The following MARCHF1 variants were observed in gnomAD, a reference collection of about 807,000 sequenced individuals.
The protein encoded by MARCHF1 is membrane associated ring-CH-type finger 1.
MARCHF1 carries 40 observed loss-of-function variants against 54.2 expected under a neutral mutation model. That is an observed-to-expected ratio of 0.74 (90% CI 0.57 to 0.96). The LOEUF (loss-of-function observed/expected upper bound fraction) is 0.96, where lower values mean the gene tolerates loss of function less well. Ranked by LOEUF, MARCHF1 falls within the 40% of genes least tolerant of loss-of-function variation. The pLI is 0.00. For missense variants in MARCHF1, 586 were observed against 656.5 expected (o/e 0.89, Z 1.17); for synonymous variants, 236 against 236.3 (o/e 1.00, Z 0.01).
intron 1 of MARCHF1, among the ~76,000 whole-genome samples, chr4:164,238,362 C>G (rs1188185925): frequency 6.6e-6 from 1 of 151,972 alleles, no homozygotes; most frequent in African/African-American, 2.4e-5. Flanking sequence ...CAACAGTTGA[C>G]CAGGCTTATT....
chr4:164,027,044 T>C (rs1469352541), intron 2 of MARCHF1, among the ~76,000 whole-genome samples: 2 of 151,778 alleles, frequency 1.3e-5, no homozygotes, highest in Admixed American at 1.3e-4. Context: ...AAGATCTCTA[T>C]AAGGAGAACT....
intron 3 of MARCHF1, among the ~76,000 whole-genome samples, chr4:163,893,689 T>C (rs557397937): frequency 5.9e-5 from 9 of 152,332 alleles, no homozygotes; most frequent in Admixed American, 5.9e-4. Flanking sequence ...AAAAATGTAT[T>C]GAGCCTTTGA....
intron 4 of MARCHF1, among the ~76,000 whole-genome samples, chr4:163,773,836 A>T (rs1231405451): frequency 6.6e-6 from 1 of 152,172 alleles, no homozygotes; most frequent in Non-Finnish European, 1.5e-5. Context: ...AAGTTTCTAC[A>T]TATCTGTTTC....
intron 1 of MARCHF1, among the ~76,000 whole-genome samples, chr4:164,257,604 T>C (rs1052612768): frequency 3.3e-5 from 5 of 151,804 alleles, no homozygotes; most frequent in Non-Finnish European, 7.4e-5. Context: ...ATGTAAAATA[T>C]ATAACATATG....
chr4:164,019,285 C>A (rs922052286), intron 2 of MARCHF1, among the ~76,000 whole-genome samples: 1 of 152,172 alleles, frequency 6.6e-6, no homozygotes, highest in African/African-American at 2.4e-5. Context: ...CTGTTCCCTG[C>A]AGGATTTCCA....
At chr4:163,678,086 G>A (rs950118022) in intron 5 of MARCHF1, among the ~76,000 whole-genome samples, 3 of 152,202 alleles carry the variant, frequency 2.0e-5, no homozygotes, top group Non-Finnish European at 4.4e-5. Context: ...AATTGCCCTT[G>A]ATACAGAATT....
chr4:164,107,298 AATG>A (rs1376087344), intron 2 of MARCHF1, among the ~76,000 whole-genome samples: 2 of 152,158 alleles, frequency 1.3e-5, no homozygotes, highest in East Asian at 3.9e-4. Flanking sequence ...AAGCACATAT[AATG>A]ATATATTGAG....
chr4:164,051,364 G>A (rs904507156), intron 2 of MARCHF1, among the ~76,000 whole-genome samples: 1 of 151,984 alleles, frequency 6.6e-6, no homozygotes, highest in African/African-American at 2.4e-5. Flanking sequence ...CTTTTAAAAG[G>A]GAACACTTTA....
intron 2 of MARCHF1, among the ~76,000 whole-genome samples, chr4:164,069,789 A>T (rs1754822772): frequency 6.6e-6 from 1 of 152,200 alleles, no homozygotes; most frequent in Non-Finnish European, 1.5e-5. Context: ...AAAATAAATC[A>T]TTATCGAAAA....
chr4:164,054,425 G>T (rs1365522436), intron 2 of MARCHF1, among the ~76,000 whole-genome samples: 1 of 151,718 alleles, frequency 6.6e-6, no homozygotes, highest in Non-Finnish European at 1.5e-5. Context: ...CCATTACTGG[G>T]TATATACCCA....
At chr4:163,610,839 T>A (rs1741314736) in intron 7 of MARCHF1, among the ~76,000 whole-genome samples, 1 of 152,016 alleles carries the variant, frequency 6.6e-6, no homozygotes, top group African/African-American at 2.4e-5. Context: ...ATCCCCCTAT[T>A]CACCACAACC....
intron 1 of MARCHF1, among the ~76,000 whole-genome samples, chr4:164,333,157 T>G (rs1482041215): frequency 2.6e-5 from 4 of 152,112 alleles, no homozygotes. Flanking sequence ...GGGAATTCAT[T>G]TCATTGTCCT....
intron 1 of MARCHF1, among the ~76,000 whole-genome samples, chr4:164,298,289 G>A (rs1008300153): frequency 4.0e-5 from 6 of 151,886 alleles, no homozygotes; most frequent in African/African-American, 1.4e-4. Flanking sequence ...CTGCATAACT[G>A]TTCTACAATG....
intron 2 of MARCHF1, among the ~76,000 whole-genome samples, chr4:164,107,395 C>G (rs1755730158): frequency 6.6e-6 from 1 of 152,114 alleles, no homozygotes; most frequent in African/African-American, 2.4e-5. Flanking sequence ...GAATCTCACT[C>G]TGTTGTTCAG....
chr4:163,949,107 C>T (rs770914858), intron 3 of MARCHF1, among the ~76,000 whole-genome samples: 22 of 152,308 alleles, frequency 1.4e-4, no homozygotes, highest in African/African-American at 2.6e-4. Flanking sequence ...CTCTCACTAC[C>T]GGCTTGGATC....
chr4:163,812,978 T>C (rs1480472201), intron 4 of MARCHF1, among the ~76,000 whole-genome samples: 2 of 152,194 alleles, frequency 1.3e-5, no homozygotes, highest in South Asian at 2.1e-4. Flanking sequence ...ATATGGTTCA[T>C]GTCAGCTCAG....
chr4:163,609,236 C>G (rs1185720399), intron 7 of MARCHF1, among the ~76,000 whole-genome samples: 1 of 152,020 alleles, frequency 6.6e-6, no homozygotes, highest in Non-Finnish European at 1.5e-5. Flanking sequence ...CCTGGAATGT[C>G]ATTGTAACCA....
intron 1 of MARCHF1, among the ~76,000 whole-genome samples, chr4:164,251,166 C>T (rs1438915073): frequency 6.6e-6 from 1 of 152,088 alleles, no homozygotes; most frequent in Admixed American, 6.6e-5. Flanking sequence ...CTGAGTTATT[C>T]ATTTCTGAAA....
At chr4:164,341,275 A>C in intron 1 of MARCHF1, among the ~76,000 whole-genome samples, 1 of 105,202 alleles carries the variant, frequency 9.5e-6, no homozygotes, top group East Asian at 3.7e-4. Context: ...ATCAAAAGCA[A>C]AAACAAAAAA....
Sources: gnomAD v4.1 joint callset for allele counts (sites outside exome capture counted in the v4.1 genomes callset) on GRCh38, gnomAD v4.1.1 for gene constraint, MANE v1.5 for transcripts, NCBI Gene and HGNC (gene_info 2026-07-23, HGNC 2026-07-21) for gene names.